Variants in KIAA0825 observed in about 807,000 individuals in gnomAD.
KIAA0825 encodes uncharacterized protein KIAA0825.
A neutral mutation model predicts 147.6 loss-of-function variants in KIAA0825; 119 were observed. The ratio of observed to expected loss-of-function variants is 0.81; its 90% CI spans 0.69 to 0.94. The LOEUF (loss-of-function observed/expected upper bound fraction) is 0.94, where lower values mean the gene tolerates loss of function less well. Among genes scored for constraint, KIAA0825 ranks in the 40% least tolerant of loss-of-function variants. KIAA0825 has a pLI of 0.00. For missense variants in KIAA0825, 1,381 were observed against 1,472.7 expected (o/e 0.94, Z 1.02); for synonymous variants, 470 against 518.1 (o/e 0.91, Z 1.26).
intron 2 of KIAA0825, among the ~76,000 whole-genome samples, chr5:94,572,161 A>C (rs1329152592): frequency 6.6e-6 from 1 of 151,866 alleles, no homozygotes; most frequent in East Asian, 1.9e-4. Context: ...CTATGGCAAG[A>C]GTAAATAAAG....
chr5:94,558,292 A>G (rs1367796386), intron 2 of KIAA0825, among the ~76,000 whole-genome samples: 1 of 152,192 alleles, frequency 6.6e-6, no homozygotes. Context: ...ACTCCCTGGT[A>G]ACACTTAGAT....
At chr5:94,481,457 T>G (rs1325796054) in intron 6 of KIAA0825, among the ~76,000 whole-genome samples, 1 of 152,130 alleles carries the variant, frequency 6.6e-6, no homozygotes, top group Non-Finnish European at 1.5e-5. Flanking sequence ...TTCTTCACTG[T>G]TCTTTTTCTG....
intron 20 of KIAA0825, among the ~76,000 whole-genome samples, chr5:94,211,685 T>C (rs1000571940): frequency 4.3e-4 from 65 of 152,172 alleles, no homozygotes; most frequent in African/African-American, 1.5e-3. Context: ...GTCCTACCTG[T>C]AACTCATTTT....
At chr5:94,598,182 A>G (rs534726687) in intron 1 of KIAA0825, among the ~76,000 whole-genome samples, 1 of 152,278 alleles carries the variant, frequency 6.6e-6, no homozygotes, top group Admixed American at 6.5e-5. Flanking sequence ...AGTTAGCATA[A>G]AACACAATGT....
intron 20 of KIAA0825, among the ~76,000 whole-genome samples, chr5:94,296,390 C>T (rs1169597266): frequency 1.3e-5 from 2 of 152,086 alleles, no homozygotes; most frequent in Admixed American, 1.3e-4. Context: ...CTAGCTTCAG[C>T]CCCCTTTCCA....
At chr5:94,227,450 T>C (rs57085081) in intron 20 of KIAA0825, among the ~76,000 whole-genome samples, 2,585 of 151,934 alleles carry the variant, frequency 0.017, 79 homozygotes, top group African/African-American at 0.058. Flanking sequence ...TAATGCTAAA[T>C]GACGAGTTAA....
intron 2 of KIAA0825, among the ~76,000 whole-genome samples, chr5:94,580,473 G>C (rs1284487159): frequency 6.6e-6 from 1 of 152,108 alleles, no homozygotes; most frequent in African/African-American, 2.4e-5. Context: ...CAAGGAAAAG[G>C]GAGGGATCTG....
chr5:94,253,878 A>T (rs759986774), intron 20 of KIAA0825, among the ~76,000 whole-genome samples: 4 of 152,126 alleles, frequency 2.6e-5, no homozygotes, highest in Non-Finnish European at 4.4e-5. Context: ...TTTTTTATTT[A>T]GTACTTAGGA....
chr5:94,472,586 T>C (rs1761347380), intron 8 of KIAA0825, among the ~76,000 whole-genome samples: 1 of 151,944 alleles, frequency 6.6e-6, no homozygotes, highest in African/African-American at 2.4e-5. Context: ...TTACTAAATA[T>C]ACCAAAAATT....
rs1175576138 is a variant in KIAA0825 at position 94,593,433 on chromosome 5, C to T, written c.-152-10850G>A. Reference sequence around the variant, plus strand: ...ACAAAACGGAACTTGTTTTTGACACCACAGATTCTTCTGAGGTCAACGTTG... The same window carrying T: ...ACAAAACGGAACTTGTTTTTGACACTACAGATTCTTCTGAGGTCAACGTTG... On this transcript the variant is annotated intron_variant, in intron 1 of 20. Transcript: ENST00000682413. 9.3e-6 allele frequency: 7 copies of T among 752,346 alleles called. No homozygotes were observed. The East Asian group carries it at 1.7e-4, about 19-fold the overall frequency. The allele number at this position is 752,346 out of a possible 1,614,324, so 46.6% of individuals were successfully genotyped here.
At chr5:94,394,647 C>G (rs1173172078) in intron 17 of KIAA0825, among the ~76,000 whole-genome samples, 2 of 152,134 alleles carry the variant, frequency 1.3e-5, no homozygotes, top group South Asian at 4.1e-4. Flanking sequence ...TGAGCAGTAT[C>G]ATAAATTTAA....
intron 20 of KIAA0825, among the ~76,000 whole-genome samples, chr5:94,269,763 G>A (rs1255710525): frequency 6.6e-6 from 1 of 151,978 alleles, no homozygotes; most frequent in African/African-American, 2.4e-5. Context: ...AGCTAGAAAA[G>A]CAAGAGCAAA....
At chr5:94,197,785 G>A (rs1771274783) in intron 20 of KIAA0825, among the ~76,000 whole-genome samples, 1 of 152,166 alleles carries the variant, frequency 6.6e-6, no homozygotes, top group Non-Finnish European at 1.5e-5. Context: ...GGTTGTAGGT[G>A]TGAAGTTTTA....
chr5:94,216,920 A>G (rs1023476234), intron 20 of KIAA0825, among the ~76,000 whole-genome samples: 11 of 152,202 alleles, frequency 7.2e-5, no homozygotes, highest in Non-Finnish European at 1.5e-5. Context: ...TAATTAAATA[A>G]CTTGAATCAG....
At chr5:94,367,198 T>C (rs1230066704) in intron 20 of KIAA0825, among the ~76,000 whole-genome samples, 1 of 152,168 alleles carries the variant, frequency 6.6e-6, no homozygotes, top group East Asian at 1.9e-4. Context: ...AAGAGGAACC[T>C]CCACTTTATT....
chr5:94,194,563 A>G (rs1217123089), intron 20 of KIAA0825, among the ~76,000 whole-genome samples: 1 of 152,216 alleles, frequency 6.6e-6, no homozygotes, highest in Non-Finnish European at 1.5e-5. Context: ...CCTCCAAGCC[A>G]ACGGCTGGCC....
chr5:94,458,416 T>C (rs536651424), intron 12 of KIAA0825, among the ~76,000 whole-genome samples: 1 of 152,198 alleles, frequency 6.6e-6, no homozygotes, highest in African/African-American at 2.4e-5. Flanking sequence ...TGAAGAGCAA[T>C]TGTGGGTGGT....
In KIAA0825 at chr5:94,589,471, C is replaced by T. The variant is rs1561361337; in HGVS notation, c.-152-6888G>A. 2.6e-5 allele frequency among the ~76,000 whole-genome samples: 4 copies of T among 152,302 alleles called. No individual in the cohort carries two copies. In the South Asian group the frequency reaches 8.3e-4, roughly 32 times the overall value. ...AAAACAAAGAGAGTTAGGAATTTGACAGAGAATGCTTTGAATCTCTATCAA... is the reference window on the plus strand; with the variant it reads ...AAAACAAAGAGAGTTAGGAATTTGATAGAGAATGCTTTGAATCTCTATCAA... On this transcript the variant is annotated intron_variant, in intron 1 of 20. Transcript: ENST00000682413.
chr5:94,414,835 A>G (rs1310504413), intron 15 of KIAA0825: 1 of 152,258 alleles, frequency 6.6e-6, no homozygotes, highest in Non-Finnish European at 1.5e-5. Context: ...AATCAGAAGC[A>G]TGTTAGATTC....
Sources: gnomAD v4.1 joint callset for allele counts (sites outside exome capture counted in the v4.1 genomes callset) on GRCh38, gnomAD v4.1.1 for gene constraint, MANE v1.5 for transcripts, NCBI Gene and HGNC (gene_info 2026-07-23, HGNC 2026-07-21) for gene names.